The following SYBU variants were observed in gnomAD, a reference collection of about 807,000 sequenced individuals.
The protein encoded by SYBU is syntabulin, also known as GOLSYN A protein.
SYBU carries 21 observed loss-of-function variants against 35.9 expected under a neutral mutation model. The ratio of observed to expected loss-of-function variants is 0.58; its 90% CI spans 0.41 to 0.84. SYBU has a LOEUF of 0.84. Among genes scored for constraint, SYBU ranks in the 40% least tolerant of loss-of-function variants. The pLI is 0.00. For missense variants in SYBU, 768 were observed against 848.2 expected (o/e 0.91, Z 1.17); for synonymous variants, 319 against 324.3 (o/e 0.98, Z 0.18).
At position 109,586,052 on chromosome 8, in the gene SYBU, G is replaced by T; in HGVS notation, c.530+8C>A. 1 of 1,601,146 alleles carries T rather than the reference G, an allele frequency of 6.2e-7. No individual in the cohort carries two copies. The highest frequency in any genetic ancestry group is 1.3e-5 in the African/African-American group (1 of 74,910). ...CGTCTTAATTACAGAGCAGGAGATG[G>T]TGCCTACTTGCGTGAAGAAGAAGAC... On this transcript the variant is annotated splice_region_variant and intron_variant, in intron 4 of 6. Coordinates refer to ENST00000276646, the MANE Select transcript of SYBU (RefSeq NM_001099754.2).
At chr8:109,664,917 A>G (rs771674520) in intron 1 of SYBU, among the ~76,000 whole-genome samples, 17 of 152,168 alleles carry the variant, frequency 1.1e-4, no homozygotes, top group Non-Finnish European at 1.6e-4. Context: ...GGGCTTTAAC[A>G]CTGTGAAATC....
chr8:109,641,190 A>G (rs999077315), intron 2 of SYBU, among the ~76,000 whole-genome samples: 1 of 152,200 alleles, frequency 6.6e-6, no homozygotes, highest in Non-Finnish European at 1.5e-5. Context: ...ATGTGCTTCA[A>G]TGGGAATAAA....
intron 2 of SYBU, among the ~76,000 whole-genome samples, chr8:109,625,969 T>G (rs912834232): frequency 6.6e-6 from 1 of 152,320 alleles, no homozygotes; most frequent in African/African-American, 2.4e-5. Context: ...TAAATATTAT[T>G]TGGTTTACAT....
Position 109,574,800 on chromosome 8 carries a change from G to A in SYBU, c.*106C>T, listed in dbSNP as rs936762348. Reference sequence around the variant, plus strand: ...AATATAGTGCAAATCAAATACCAAGGAGCAAAACGACAGAATAGAGACTGT... The same window carrying A: ...AATATAGTGCAAATCAAATACCAAGAAGCAAAACGACAGAATAGAGACTGT... On this transcript the variant is annotated 3_prime_UTR_variant, in exon 7 of 7. Coordinates refer to ENST00000276646, the MANE Select transcript of SYBU (RefSeq NM_001099754.2). The A allele has an allele frequency of 1.0e-5, 13 of 1,279,422 alleles. No individual in the cohort carries two copies. Among genetic ancestry groups the A allele is most frequent in the Non-Finnish European group, 1.2e-5 (11 of 941,312 alleles). 79.3% of individuals were successfully genotyped at this position (1,279,422 alleles called of 1,614,324 possible). A position where few individuals can be genotyped will look rare whatever the true frequency, so the allele number is the denominator to read the frequency against.
chr8:109,586,186 A>T (rs758448941), intron 3 of SYBU, 24 bp from the exon 4 acceptor site: 1 of 1,551,814 alleles, frequency 6.4e-7, no homozygotes, highest in Non-Finnish European at 8.8e-7. Flanking sequence ...GGGGAGAGAG[A>T]AGCGTGAGGG....
intron 1 of SYBU, among the ~76,000 whole-genome samples, chr8:109,664,311 A>C (rs1407976868): frequency 2.6e-5 from 4 of 151,996 alleles, no homozygotes; most frequent in African/African-American, 9.7e-5. Flanking sequence ...GGTAGGGAAG[A>C]ATGAGCCTGG....
In SYBU at chr8:109,575,032, A is replaced by T. The variant is rs778304118; in HGVS notation, c.1866T>A (p.Val622=). 5 of 1,605,794 alleles carry T rather than the reference A, an allele frequency of 3.1e-6. No homozygotes were observed. Among genetic ancestry groups the T allele is most frequent in the Non-Finnish European group, 4.3e-6 (5 of 1,175,074 alleles). ...CTCTCTGAGTACTGAATGCCCACAGAACCGTGGGGACCACGGGGGCAGCCA... is the reference window on the plus strand; with the variant it reads ...CTCTCTGAGTACTGAATGCCCACAGTACCGTGGGGACCACGGGGGCAGCCA... The part of the protein sequence containing the change: ...LAVAAPVVPT[V]LWAFSTQRGG... Residue 622 remains valine (V), a synonymous_variant, in exon 7 of 7, where the codon GTT becomes GTA. Transcript: ENST00000276646.
intron 2 of SYBU, among the ~76,000 whole-genome samples, chr8:109,634,344 A>G (rs1029830576): frequency 1.3e-5 from 2 of 152,022 alleles, no homozygotes; most frequent in Non-Finnish European, 2.9e-5. Context: ...TGTGGAGCTT[A>G]CTCTTTTTGA....
chr8:109,658,248 T>C (rs76783546), intron 1 of SYBU, among the ~76,000 whole-genome samples: 3 of 152,180 alleles, frequency 2.0e-5, no homozygotes, highest in South Asian at 4.1e-4. Context: ...ATTTTCTAAC[T>C]GACTACTTTT....
chr8:109,620,261 A>C (rs968895144), intron 2 of SYBU, among the ~76,000 whole-genome samples: 2 of 152,238 alleles, frequency 1.3e-5, no homozygotes, highest in Non-Finnish European at 2.9e-5. Flanking sequence ...TTGATGCCAG[A>C]GTTACTTTAG....
At chr8:109,651,452 T>TC (rs1287872359) in intron 1 of SYBU, among the ~76,000 whole-genome samples, 13 of 121,192 alleles carry the variant, frequency 1.1e-4, no homozygotes, top group Non-Finnish European at 4.8e-5. Context: ...TTGAGACTTT[T>TC]TTTTTTTTTT....
intron 2 of SYBU, among the ~76,000 whole-genome samples, chr8:109,629,242 G>A (rs1357992320): frequency 6.6e-6 from 1 of 152,208 alleles, no homozygotes; most frequent in East Asian, 1.9e-4. Context: ...TTTAGCCTGT[G>A]CTTATAATGG....
rs142797864 is a variant in SYBU at position 109,578,170 on chromosome 8, C to T, written c.735-153G>A. On this transcript the variant is annotated intron_variant, in intron 5 of 6. Transcript: ENST00000276646. ...CCAATATGACGGTATTAGGTGGTGA[C>T]GACTTTGGGAATTAGCCCATAAGGG... Among the ~76,000 whole-genome samples the T allele has an allele frequency of 1.3e-3, 197 of 152,244 alleles. 1 individual carries two copies. Among genetic ancestry groups the T allele is most frequent in the African/African-American group, 4.5e-3 (186 of 41,550 alleles).
intron 1 of SYBU, among the ~76,000 whole-genome samples, chr8:109,678,319 C>T (rs565328198): frequency 7.9e-5 from 12 of 151,038 alleles, no homozygotes; most frequent in African/African-American, 2.9e-4. Flanking sequence ...TGTCCCATAA[C>T]TTAAGATTGT....
chr8:109,658,133 G>C (rs766639841), intron 1 of SYBU, among the ~76,000 whole-genome samples: 1 of 152,180 alleles, frequency 6.6e-6, no homozygotes, highest in Non-Finnish European at 1.5e-5. Flanking sequence ...CTGGAAGACA[G>C]TGCCAGATCT....
chr8:109,680,220 A>G (rs1194200586), intron 1 of SYBU: 1 of 152,230 alleles, frequency 6.6e-6, no homozygotes, highest in Non-Finnish European at 1.5e-5. Flanking sequence ...GTACAAAATT[A>G]TTATATAATC....
At chr8:109,686,049 C>A (rs750767403) in intron 1 of SYBU, among the ~76,000 whole-genome samples, 4 of 152,094 alleles carry the variant, frequency 2.6e-5, no homozygotes, top group Admixed American at 2.6e-4. Flanking sequence ...GTAATGTCTG[C>A]AAATTCTATT....
intron 2 of SYBU, among the ~76,000 whole-genome samples, chr8:109,632,620 A>G (rs1813761259): frequency 6.6e-6 from 1 of 151,660 alleles, no homozygotes; most frequent in Admixed American, 6.6e-5. Context: ...TTTAGATAAC[A>G]TTTATATCAT....
intron 2 of SYBU, among the ~76,000 whole-genome samples, chr8:109,628,943 C>A (rs998806378): frequency 6.6e-6 from 1 of 151,702 alleles, no homozygotes. Flanking sequence ...CTGAAGAGGT[C>A]TTTTGACCCT....
Sources: allele counts gnomAD v4.1 joint callset (sites outside exome capture counted in the v4.1 genomes callset), GRCh38; gene constraint gnomAD v4.1.1; transcripts MANE v1.5; gene names NCBI Gene and HGNC (gene_info 2026-07-23, HGNC 2026-07-21).